ITSN1: variants seen among roughly 807,000 people sequenced by gnomAD.
ITSN1 encodes intersectin 1.
Under a neutral mutation model 239.8 loss-of-function variants are expected in ITSN1, and 58 were observed. The observed-to-expected ratio is 0.24, with a 90% CI of 0.20 to 0.30. The LOEUF (loss-of-function observed/expected upper bound fraction) is 0.30, where lower values mean the gene tolerates loss of function less well. ITSN1 is among the 10% of genes least tolerant of loss of function. ITSN1 has a pLI of 1.00. For missense variants in ITSN1, 1,558 were observed against 2,103.3 expected (o/e 0.74, Z 5.07); for synonymous variants, 780 against 770.8 (o/e 1.01, Z -0.20).
At chr21:33,732,060 T>A (rs554361178) in intron 4 of ITSN1, among the ~76,000 whole-genome samples, 1 of 152,312 alleles carries the variant, frequency 6.6e-6, no homozygotes, top group African/African-American at 2.4e-5. Context: ...ATACGTGGAT[T>A]CAAGAGTTTT....
rs777429325 is a variant in ITSN1, at chr21:33,865,349, T to C, written c.4074+15T>C. 2 of 1,527,342 alleles carry C rather than the reference T, an allele frequency of 1.3e-6. No homozygotes were observed. Among genetic ancestry groups the C allele is most frequent in the South Asian group, 2.5e-5 (2 of 80,064 alleles). The allele number at this position is 1,527,342 out of a possible 1,614,324, so 94.6% of individuals were successfully genotyped here. On this transcript the variant is annotated intron_variant, in intron 32 of 39. Coordinates refer to ENST00000381318, the MANE Select transcript of ITSN1 (RefSeq NM_003024.3). The surrounding 1 kb of genome is among the most constrained non-coding windows in gnomAD (Gnocchi z 4.4). ...AGTTCGTCAAAGTAAGGAGCCAGGC[T>C]GTGCAGAGACTGGGCCCCAGAGTGG...
At chr21:33,863,102 G>A (rs1162721513) in intron 31 of ITSN1, among the ~76,000 whole-genome samples, 11 of 152,190 alleles carry the variant, frequency 7.2e-5, no homozygotes, top group Admixed American at 7.2e-4. Flanking sequence ...CCCTGGGCCT[G>A]GTAACACCTT....
intron 11 of ITSN1, among the ~76,000 whole-genome samples, chr21:33,770,342 C>T (rs916544275): frequency 3.1e-4 from 47 of 152,092 alleles, no homozygotes; most frequent in African/African-American, 1.1e-3. Context: ...GGATTACAGG[C>T]GTGAGCCACC....
At chr21:33,785,580 C>T (rs1278393370) in intron 16 of ITSN1, among the ~76,000 whole-genome samples, 1 of 152,100 alleles carries the variant, frequency 6.6e-6, no homozygotes, top group Non-Finnish European at 1.5e-5. Context: ...CCTTCCTTCC[C>T]TACCCAAAAT....
At chr21:33,642,848 T>G (rs2087520017) in intron 1 of ITSN1, 135 bp downstream of exon 1, 1 of 151,668 alleles carries the variant, frequency 6.6e-6, no homozygotes, top group Non-Finnish European at 1.5e-5. Context: ...CGGCCGCCCT[T>G]AGCCCCTCGC....
chr21:33,834,216 G>A (rs2074469242), intron 27 of ITSN1, 91 bp from the exon 28 acceptor site: 1 of 878,714 alleles, frequency 1.1e-6, no homozygotes, highest in African/African-American at 1.7e-5. Flanking sequence ...TCAGTTATAT[G>A]TAAGCTTTAC....
At chr21:33,715,084 A>G (rs2065059660) in intron 1 of ITSN1, among the ~76,000 whole-genome samples, 1 of 152,194 alleles carries the variant, frequency 6.6e-6, no homozygotes, top group Non-Finnish European at 1.5e-5. Context: ...ATGGTAAATA[A>G]TCTTTACTAA....
chr21:33,781,384 T>C (rs2070165913), intron 14 of ITSN1, 77 bp from the exon 15 acceptor site: 1 of 797,386 alleles, frequency 1.3e-6, no homozygotes, highest in Admixed American at 2.2e-5. Context: ...AAAACTGACT[T>C]AAGCTCTGCC....
intron 38 of ITSN1, 113 bp from the exon 39 acceptor site, chr21:33,886,174 T>A: frequency 1.2e-6 from 1 of 830,454 alleles, no homozygotes. Context: ...ATCATACCAC[T>A]GCACTGCAGC....
At chr21:33,774,937 A>G (rs1225677790) in intron 13 of ITSN1, 31 bp from the exon 14 acceptor site, 2 of 1,602,958 alleles carry the variant, frequency 1.2e-6, no homozygotes, top group Admixed American at 1.7e-5. Flanking sequence ...TAAAAACAGT[A>G]ATAATTTTTA....
At chr21:33,824,015 G>A (rs1261393703) in intron 25 of ITSN1, among the ~76,000 whole-genome samples, 1 of 152,148 alleles carries the variant, frequency 6.6e-6, no homozygotes, top group Non-Finnish European at 1.5e-5. Context: ...CCCAAGAATG[G>A]TAGCAATATT....
intron 31 of ITSN1, among the ~76,000 whole-genome samples, chr21:33,859,492 T>C (rs1411369191): frequency 6.6e-6 from 1 of 151,736 alleles, no homozygotes; most frequent in Non-Finnish European, 1.5e-5. Flanking sequence ...ACGCTCTCAT[T>C]GTAACATCAC....
chr21:33,773,175 A>AT (rs1424845485), intron 12 of ITSN1, among the ~76,000 whole-genome samples: 3 of 151,540 alleles, frequency 2.0e-5, no homozygotes, highest in Non-Finnish European at 4.4e-5. Flanking sequence ...CCCAGCTAAT[A>AT]TTTTGTATTT....
In ITSN1 at chr21:33,818,259, C is replaced by T. The variant is rs74398513; in HGVS notation, c.2728-8C>T. 3 of 1,613,222 alleles carry T rather than the reference C, an allele frequency of 1.9e-6. No individual in the cohort carries two copies. In the East Asian group the frequency reaches 6.7e-5, roughly 36 times the overall value. On this transcript the variant is annotated splice_polypyrimidine_tract_variant and splice_region_variant and intron_variant, in intron 22 of 39. Coordinates refer to ENST00000381318, the MANE Select transcript of ITSN1 (RefSeq NM_003024.3). ...TAACGAGAGGTCCTTTATGTTATTC[C>T]ACACAAGGGTGAAAAGGTGGAGGGG...
Position 33,858,621 on chromosome 21 carries a change from G to A in ITSN1, c.3784-65G>A, listed in dbSNP as rs145721013. On this transcript the variant is annotated intron_variant, in intron 30 of 39. Coordinates refer to ENST00000381318, the MANE Select transcript of ITSN1 (RefSeq NM_003024.3). Reference sequence around the variant, plus strand: ...GCCCTTTCCCTGCTCTCAGCGGATCGGCGTGTGAGTGTGTGAGTTTTAAGC... The same window carrying A: ...GCCCTTTCCCTGCTCTCAGCGGATCAGCGTGTGAGTGTGTGAGTTTTAAGC... 37 of 1,004,594 alleles carry A rather than the reference G, an allele frequency of 3.7e-5. No individual in the cohort carries two copies. In the East Asian group the frequency reaches 6.2e-4, roughly 17 times the overall value. The allele number at this position is 1,004,594 out of a possible 1,614,324, so 62.2% of individuals were successfully genotyped here.
intron 17 of ITSN1, among the ~76,000 whole-genome samples, 153 bp downstream of exon 17, chr21:33,794,621 T>G (rs560430733): frequency 2.0e-4 from 31 of 152,324 alleles, no homozygotes; most frequent in Non-Finnish European, 4.4e-4. Context: ...CACGTGTATA[T>G]ATGAATCTTT....
In ITSN1 at chr21:33,673,543, G is replaced by A. The variant is rs1350084812; in HGVS notation, c.-33+30830G>A. On this transcript the variant is annotated intron_variant, in intron 1 of 39. Coordinates refer to ENST00000381318, the MANE Select transcript of ITSN1 (RefSeq NM_003024.3). Reference sequence around the variant, plus strand: ...CGGTTTGAAGGGGCGAGGACAGAGCGTGGACTTGCGGAAAGTTAGGTGGCC... The same window carrying A: ...CGGTTTGAAGGGGCGAGGACAGAGCATGGACTTGCGGAAAGTTAGGTGGCC... Among the ~76,000 whole-genome samples, 2 of 152,184 alleles carry A rather than the reference G, an allele frequency of 1.3e-5. 1 individual carries two copies. The highest frequency in any genetic ancestry group is 2.9e-5 in the Non-Finnish European group (2 of 68,040).
chr21:33,802,402 C>G, intron 19 of ITSN1, 28 bp from the exon 20 acceptor site: 1 of 1,611,590 alleles, frequency 6.2e-7, no homozygotes, highest in Non-Finnish European at 8.5e-7. Context: ...TTTTGCCTTG[C>G]TTTCAAACCT....
chr21:33,765,986 T>C lies in ITSN1; in HGVS notation c.900T>C (p.Pro300=). 1.2e-6 allele frequency: 2 copies of C among 1,614,180 alleles called. No homozygotes were observed. The highest frequency in any genetic ancestry group is 1.7e-6 in the Non-Finnish European group (2 of 1,180,018). ...GCCAACCACTGCCACCTGTCCTGCC[T>C]CCAGAATACATTCCACCTTCTTTTA... ...MSGQPLPPVL[P]PEYIPPSFRR... Residue 300 remains proline, a synonymous_variant, in exon 10 of 40, where the codon CCT becomes CCC. Transcript: ENST00000381318.
Sources: gnomAD v4.1 joint callset for allele counts (sites outside exome capture counted in the v4.1 genomes callset) on GRCh38, gnomAD v4.1.1 for gene constraint, Gnocchi (gnomAD v3.1) non-coding constraint, MANE v1.5 for transcripts, NCBI Gene and HGNC (gene_info 2026-07-23, HGNC 2026-07-21) for gene names.